CHD9: variants seen among roughly 807,000 people sequenced by gnomAD.
CHD9 encodes ATP-dependent chromatin remodeler CHD9.
In CHD9, 77 loss-of-function variants were observed where a neutral mutation model predicts 316.1. That is an observed-to-expected ratio of 0.24 (90% CI 0.20 to 0.29). The LOEUF (loss-of-function observed/expected upper bound fraction) is 0.29, where lower values mean the gene tolerates loss of function less well. CHD9 is among the 10% of genes least tolerant of loss of function. CHD9 has a pLI of 1.00. For synonymous variants in CHD9, 1,129 were observed against 1,158.3 expected, an observed-to-expected ratio of 0.97 and a Z score of 0.51; for missense variants, 2,763 against 3,438.1, an observed-to-expected ratio of 0.80 and a Z score of 4.91.
rs747733475 is a variant in CHD9, at chr16:53,157,415, G to A, written c.1326G>A (p.Ser442=). 18 of 1,613,908 alleles carry A rather than the reference G, an allele frequency of 1.1e-5. No individual in the cohort carries two copies. The East Asian group carries it at 1.8e-4, about 16-fold the overall frequency. ...LDHDLDRQFT[S]HLVTRPSDMA... is the part of the protein sequence containing the mutation. ...ATGACCTTGATCGGCAGTTTACTTC[G>A]CATCTGGTAACACGGCCTTCTGATA... Residue 442 remains serine, a synonymous_variant, in exon 2 of 39, where the codon TCG becomes TCA. Coordinates refer to ENST00000447540, the MANE Select transcript of CHD9 (RefSeq NM_001308319.2).
Position 53,267,184 on chromosome 16 carries a change from C to T in CHD9, c.4321-110C>T, listed in dbSNP as rs2051781461. 10 of 645,024 alleles carry T rather than the reference C, an allele frequency of 1.6e-5. No homozygotes were observed. In the South Asian group the frequency reaches 2.9e-4, roughly 19 times the overall value. 40.0% of individuals were successfully genotyped at this position (645,024 alleles called of 1,614,324 possible). A position where few individuals can be genotyped will look rare whatever the true frequency, so the allele number is the denominator to read the frequency against. On this transcript the variant is annotated intron_variant, in intron 20 of 38. Transcript: ENST00000447540. ...AGGTTGGTGAAATTGTTAGTTGTTT[C>T]TTTTTGTCTGTGTTTCTGTAATTAT...
chr16:53,078,042 C>T (rs1229378530), intron 1 of CHD9, among the ~76,000 whole-genome samples: 3 of 152,042 alleles, frequency 2.0e-5, no homozygotes, highest in African/African-American at 7.2e-5. Context: ...CCACTGCACT[C>T]CGGCATGGGC....
At chr16:53,113,131 C>T (rs1158040257) in intron 1 of CHD9, among the ~76,000 whole-genome samples, 1 of 152,122 alleles carries the variant, frequency 6.6e-6, no homozygotes, top group Non-Finnish European at 1.5e-5. Flanking sequence ...TTGCAGTGAG[C>T]CATGATTGTA....
chr16:53,082,432 G>T (rs940697437), intron 1 of CHD9, among the ~76,000 whole-genome samples: 1 of 151,956 alleles, frequency 6.6e-6, no homozygotes, highest in African/African-American at 2.4e-5. Context: ...GTAAAGACAG[G>T]GTTTCATCAT....
At chr16:53,214,038 T>C (rs1335778321) in intron 3 of CHD9, among the ~76,000 whole-genome samples, 1 of 152,152 alleles carries the variant, frequency 6.6e-6, no homozygotes, top group Non-Finnish European at 1.5e-5. Flanking sequence ...TAAGTATAAG[T>C]CATGTTATGA....
chr16:53,266,078 T>A, intron 20 of CHD9, among the ~76,000 whole-genome samples: 1 of 150,646 alleles, frequency 6.6e-6, no homozygotes. Flanking sequence ...ATGAAGGAAA[T>A]AAAAAATCAC....
At chr16:53,085,006 G>A (rs2035346238) in intron 1 of CHD9, among the ~76,000 whole-genome samples, 1 of 152,138 alleles carries the variant, frequency 6.6e-6, no homozygotes, top group Non-Finnish European at 1.5e-5. Context: ...TCATAACATC[G>A]TCTTTTGCAA....
Position 53,324,783 on chromosome 16 carries a change from G to A in CHD9, c.8582G>A (p.Ser2861Asn), listed in dbSNP as rs1379274044. The change falls in exon 39 of 39, where the codon AGT (serine) becomes AAT (asparagine). Residue 2861 changes from serine to asparagine, a missense_variant. This residue lies in a region of CHD9 where 298 missense variants were observed against 380.2 expected (regional missense o/e 0.78). Transcript: ENST00000447540. ...GAAGACAAAGGAGGAACTGAACCAA[G>A]TCCTCTCAATGAAAACAGCACAGAT... is the stretch of plus-strand genomic sequence containing the variant. ...DQEDKGGTEP[S>N]PLNENSTDEG... The A allele has an allele frequency of 6.2e-7, 1 of 1,613,122 alleles. No individual in the cohort carries two copies. The highest frequency in any genetic ancestry group is 1.3e-5 in the African/African-American group (1 of 74,918).
At chr16:53,229,123 T>G (rs1032869048) in intron 8 of CHD9, 23 bp downstream of exon 8, 1 of 1,246,326 alleles carries the variant, frequency 8.0e-7, no homozygotes, top group Admixed American at 2.1e-5. Flanking sequence ...TAAATAAGAC[T>G]ATTATGTGTT....
At chr16:53,057,763 T>C (rs2032338023) in intron 1 of CHD9, among the ~76,000 whole-genome samples, 2 of 152,202 alleles carry the variant, frequency 1.3e-5, no homozygotes, top group African/African-American at 4.8e-5. Context: ...AGTGAAAAAG[T>C]TGAGTCACCC....
intron 17 of CHD9, among the ~76,000 whole-genome samples, chr16:53,252,657 A>T (rs2050221269): frequency 1.3e-5 from 2 of 152,060 alleles, no homozygotes; most frequent in South Asian, 4.1e-4. Context: ...ACTTCTGACC[A>T]AGTGCTAATA....
intron 1 of CHD9, among the ~76,000 whole-genome samples, chr16:53,123,412 AC>A (rs2038833377): frequency 3.9e-5 from 6 of 152,032 alleles, no homozygotes; most frequent in Admixed American, 3.9e-4. Flanking sequence ...CTACTTTCTT[AC>A]TTTATTCTGG....
At chr16:53,088,074 G>A (rs1306944437) in intron 1 of CHD9, among the ~76,000 whole-genome samples, 2 of 152,046 alleles carry the variant, frequency 1.3e-5, no homozygotes, top group African/African-American at 4.8e-5. Flanking sequence ...GTTAGAGCGG[G>A]ACTCTCCTTA....
At chr16:53,302,654 G>A (rs2055552064) in intron 30 of CHD9, among the ~76,000 whole-genome samples, 1 of 152,142 alleles carries the variant, frequency 6.6e-6, no homozygotes, top group Admixed American at 6.6e-5. Flanking sequence ...GTGGAATTCT[G>A]CTGTAAGAAA....
chr16:53,314,319 T>C, intron 34 of CHD9, 58 bp from the exon 35 acceptor site: 1 of 1,255,402 alleles, frequency 8.0e-7, no homozygotes, highest in Non-Finnish European at 1.1e-6. Context: ...AAGGGATTAC[T>C]TTCAGTTTGT....
rs908517146 is a variant in CHD9, at chr16:53,057,350, T to TA, written c.-165+2284dup. Among the ~76,000 whole-genome samples the TA allele has an allele frequency of 7.6e-3, 1,077 of 141,124 alleles. 5 individuals are homozygous for TA. The highest frequency in any genetic ancestry group is 0.029 in the Middle Eastern group (8 of 276). 92.6% of individuals were successfully genotyped at this position (141,124 alleles called of 152,430 possible). The stretch of plus-strand genomic sequence containing the variant: ...CAGCATAGAGAGACCTTGGCTCATT[T>TA]AAAAAAAAAAAGAGGAAAAAAGGCC... On this transcript the variant is annotated intron_variant, in intron 1 of 38. Transcript: ENST00000447540.
chr16:53,256,297 A>T (rs2050582616), intron 19 of CHD9, among the ~76,000 whole-genome samples: 1 of 151,836 alleles, frequency 6.6e-6, no homozygotes, highest in African/African-American at 2.4e-5. Context: ...TGTATTTTGG[A>T]AGGAAACATT....
chr16:53,183,399 A>T (rs375539021), intron 2 of CHD9, among the ~76,000 whole-genome samples: 29 of 152,316 alleles, frequency 1.9e-4, no homozygotes, highest in African/African-American at 6.0e-4. Context: ...ATATCCATAA[A>T]CATCTAGGAG....
chr16:53,313,497 G>A (rs1223479389), intron 34 of CHD9, among the ~76,000 whole-genome samples: 1 of 151,956 alleles, frequency 6.6e-6, no homozygotes, highest in Non-Finnish European at 1.5e-5. Flanking sequence ...GTAGAGACGT[G>A]TTTTTGCCAT....
Sources: allele counts gnomAD v4.1 joint callset (sites outside exome capture counted in the v4.1 genomes callset), GRCh38; gene constraint gnomAD v4.1.1; regional missense constraint gnomAD v4.1.1; transcripts MANE v1.5; gene names NCBI Gene and HGNC (gene_info 2026-07-23, HGNC 2026-07-21).